Variants in MGST2 observed in about 807,000 individuals in gnomAD.
The protein encoded by MGST2 is glutathione peroxidase MGST2.
In MGST2, 9 loss-of-function variants were observed where a neutral mutation model predicts 16.6. That is an observed-to-expected ratio of 0.54 (90% CI 0.33 to 0.95). MGST2 has a LOEUF of 0.95. MGST2 is among the 40% of genes least tolerant of loss of function. The pLI is 0.03. For synonymous variants in MGST2, 79 were observed against 68.0 expected (o/e 1.16, Z -0.79); for missense variants, 159 against 175.1 (o/e 0.91, Z 0.52).
intron 3 of MGST2, among the ~76,000 whole-genome samples, chr4:139,696,946 A>G (rs192237932): frequency 1.2e-3 from 181 of 152,182 alleles, no homozygotes; most frequent in Admixed American, 2.6e-3. Context: ...GGGGGCAAGT[A>G]GACTACTTTT....
downstream of MGST2, among the ~76,000 whole-genome samples, chr4:139,704,747 C>A (rs899886425): frequency 6.6e-6 from 1 of 151,702 alleles, no homozygotes; most frequent in Non-Finnish European, 1.5e-5. Context: ...ACAGTGAAAC[C>A]CTGTCTCTAC....
intron 3 of MGST2, 94 bp downstream of exon 3, chr4:139,695,361 C>A: frequency 9.3e-7 from 1 of 1,070,020 alleles, no homozygotes; most frequent in Non-Finnish European, 1.4e-6. Context: ...GTGGCTCACA[C>A]CTATATTCCC....
chr4:139,730,279 T>C (rs2063819441), intron 5 of MGST2: 1 of 760,962 alleles, frequency 1.3e-6, no homozygotes, highest in Middle Eastern at 2.6e-4. Context: ...CTTCAGGTTC[T>C]CTTGTGATCC....
chr4:139,691,288 A>G (rs143450685), intron 2 of MGST2, among the ~76,000 whole-genome samples: 1 of 152,300 alleles, frequency 6.6e-6, no homozygotes, highest in East Asian at 1.9e-4. Context: ...TTTCCTGAGG[A>G]TCCCCTGTAA....
At chr4:139,712,271 C>G (rs1727773236) in intron 5 of MGST2, among the ~76,000 whole-genome samples, 1 of 152,160 alleles carries the variant, frequency 6.6e-6, no homozygotes, top group African/African-American at 2.4e-5. Flanking sequence ...CTCTTGTTTC[C>G]TCTGAGCAGC....
chr4:139,715,008 G>A lies in MGST2; in HGVS notation c.*48+10812G>A, dbSNP rs368286219. ...ATAGCAGTTAACATCCCATAGTGCC[G>A]AACCTGTTCTTAGCCGAGAGGGACT... On this transcript the variant is annotated intron_variant, in intron 5 of 5. Transcript: ENST00000616265. This position sits in a 1 kb window ranked among gnomAD's most constrained non-coding sequence, Gnocchi z 4.4. 2.0e-5 allele frequency among the ~76,000 whole-genome samples: 3 copies of A among 152,286 alleles called. No homozygotes were observed. In the South Asian group the frequency reaches 6.2e-4, roughly 32 times the overall value.
chr4:139,703,415 T>C lies in MGST2; in HGVS notation c.230-40T>C. 2.0e-6 allele frequency: 3 copies of C among 1,527,548 alleles called. No homozygotes were observed. The South Asian group carries it at 3.4e-5, about 17-fold the overall frequency. 94.6% of individuals were successfully genotyped at this position (1,527,548 alleles called of 1,614,324 possible). ...ACAACATCTTAAGAGACTGCTGTTG[T>C]ATTTTGTGCCTTTTCTTTTTTTTTC... On this transcript the variant is annotated intron_variant, in intron 3 of 4. Transcript: ENST00000265498.
chr4:139,705,031 A>G (rs1485461887), downstream of MGST2, among the ~76,000 whole-genome samples: 2 of 152,186 alleles, frequency 1.3e-5, no homozygotes, highest in African/African-American at 2.4e-5. Flanking sequence ...CTGTAAAACC[A>G]GGTTTTTGGG....
chr4:139,723,930 C>A (rs1431198733), intron 5 of MGST2, among the ~76,000 whole-genome samples: 1 of 152,204 alleles, frequency 6.6e-6, no homozygotes, highest in Non-Finnish European at 1.5e-5. Flanking sequence ...TATGTTTTAA[C>A]AAGCTCCGCT....
the MGST2 span, among the ~76,000 whole-genome samples, chr4:139,752,727 G>A: frequency 6.6e-6 from 1 of 152,056 alleles, no homozygotes; most frequent in Non-Finnish European, 1.5e-5. Context: ...ATGGCCAATC[G>A]AAGATCGCAG....
intron 5 of MGST2, chr4:139,725,669 G>T: frequency 7.4e-7 from 1 of 1,355,032 alleles, no homozygotes; most frequent in Non-Finnish European, 1.0e-6. Context: ...AATACAGCCA[G>T]TAAGGCAATG....
At chr4:139,706,895 C>G (rs369438989), downstream of MGST2, among the ~76,000 whole-genome samples, 1 of 152,044 alleles carries the variant, frequency 6.6e-6, no homozygotes, top group African/African-American at 2.4e-5. Context: ...GGTTTCTGAT[C>G]GGTTTGACAA....
chr4:139,699,275 C>A (rs1727107959), intron 3 of MGST2, among the ~76,000 whole-genome samples: 1 of 152,216 alleles, frequency 6.6e-6, no homozygotes, highest in African/African-American at 2.4e-5. Flanking sequence ...AATACTGCAT[C>A]TTTACACTTG....
At chr4:139,744,816 T>G (rs764418631), downstream of MGST2, among the ~76,000 whole-genome samples, 3 of 152,146 alleles carry the variant, frequency 2.0e-5, no homozygotes, top group Non-Finnish European at 2.9e-5. Flanking sequence ...GTGTGGCGTG[T>G]GTTCTGTTTC....
chr4:139,730,473 G>A (rs760726659), intron 5 of MGST2: 730 of 1,552,874 alleles, frequency 4.7e-4, no homozygotes, highest in Middle Eastern at 6.7e-4. Context: ...GCTCCCGCAG[G>A]AACTGTTGCT....
In MGST2 at chr4:139,665,953, T is replaced by G; in HGVS notation, c.-67T>G. 1 of 1,516,374 alleles carries G rather than the reference T, an allele frequency of 6.6e-7. No homozygotes were observed. The highest frequency in any genetic ancestry group is 9.2e-7 in the Non-Finnish European group (1 of 1,092,722). The allele number at this position is 1,516,374 out of a possible 1,614,324, so 93.9% of individuals were successfully genotyped here. On this transcript the variant is annotated 5_prime_UTR_variant, in exon 1 of 5. Transcript: ENST00000265498. ...AACTTTGTTTACCCGATAAGGAAGG[T>G]CAGCATTCAAAGTCAAGAAGCGCCA...
intron 3 of MGST2, among the ~76,000 whole-genome samples, chr4:139,696,981 G>A (rs1560751359): frequency 1.3e-5 from 2 of 152,048 alleles, no homozygotes; most frequent in African/African-American, 4.8e-5. Context: ...GAACTCATGG[G>A]GTTCTGGGTG....
At chr4:139,685,630 G>A (rs947122834) in intron 2 of MGST2, among the ~76,000 whole-genome samples, 3 of 152,118 alleles carry the variant, frequency 2.0e-5, no homozygotes, top group African/African-American at 7.2e-5. Flanking sequence ...AACAAAAAGA[G>A]TCAAACTCTA....
intron 5 of MGST2, among the ~76,000 whole-genome samples, chr4:139,728,880 T>C (rs1332764807): frequency 6.6e-6 from 1 of 152,168 alleles, no homozygotes; most frequent in Non-Finnish European, 1.5e-5. Context: ...CCCTGGGCCT[T>C]CTTTGTGTCT....
Sources: gnomAD v4.1 joint callset for allele counts (sites outside exome capture counted in the v4.1 genomes callset) on GRCh38, gnomAD v4.1.1 for gene constraint, Gnocchi (gnomAD v3.1) non-coding constraint, MANE v1.5 for transcripts, NCBI Gene and HGNC (gene_info 2026-07-23, HGNC 2026-07-21) for gene names.